MRPL21: variants seen among roughly 807,000 people sequenced by gnomAD.
The protein encoded by MRPL21 is mitochondrial ribosomal protein L21, also known as large ribosomal subunit protein bL21m.
A neutral mutation model predicts 27.3 loss-of-function variants in MRPL21; 20 were observed. The ratio of observed to expected loss-of-function variants is 0.73; its 90% CI spans 0.52 to 1.06. The LOEUF (loss-of-function observed/expected upper bound fraction) is 1.06. MRPL21 is among the 50% of genes least tolerant of loss of function. MRPL21 has a pLI of 0.00. For synonymous variants in MRPL21, 98 were observed against 101.5 expected, an observed-to-expected ratio of 0.97 and a Z score of 0.21; for missense variants, 249 against 251.4, an observed-to-expected ratio of 0.99 and a Z score of 0.06.
intron 3 of MRPL21, 47 bp from the exon 4 acceptor site, chr11:68,896,725 C>G: frequency 6.2e-7 from 1 of 1,607,934 alleles, no homozygotes; most frequent in Non-Finnish European, 8.5e-7. Flanking sequence ...ACCTGCTCCC[C>G]CACGCGCTGC....
intron 4 of MRPL21, among the ~76,000 whole-genome samples, chr11:68,894,534 G>A (rs999794606): frequency 1.3e-5 from 2 of 152,100 alleles, no homozygotes; most frequent in African/African-American, 4.8e-5. Flanking sequence ...TGCCCGCCTC[G>A]GCTTCCCAAA....
chr11:68,892,765 G>C, intron 6 of MRPL21, 125 bp downstream of exon 6: 1 of 1,541,718 alleles, frequency 6.5e-7, no homozygotes, highest in Non-Finnish European at 8.7e-7. Context: ...GTGGGCAGTG[G>C]CAGCCAGGTT....
In MRPL21 at chr11:68,903,693, C is replaced by T. The variant is rs534890708; in HGVS notation, c.88+30G>A. The T allele has an allele frequency of 3.7e-6, 6 of 1,608,938 alleles. No homozygotes were observed. In the African/African-American group the frequency reaches 6.7e-5, roughly 18 times the overall value. On this transcript the variant is annotated intron_variant, in intron 1 of 6. Transcript: ENST00000362034. The stretch of plus-strand genomic sequence containing the variant: ...GCAGGGAGCAGCGCTCGCTCTGCGT[C>T]CTCCCTTCCTCCCATATCCCAGGTC...
chr11:68,893,346 T>C (rs534187299), intron 5 of MRPL21, 57 bp downstream of exon 5: 4 of 1,611,680 alleles, frequency 2.5e-6, no homozygotes, highest in Admixed American at 1.7e-5. Context: ...CTGTGACCAC[T>C]GTCTGCATGT....
In MRPL21 at chr11:68,903,707, A is replaced by G; in HGVS notation, c.88+16T>C. 6.2e-7 allele frequency: 1 copy of G among 1,612,838 alleles called. No individual in the cohort carries two copies. The stretch of plus-strand genomic sequence containing the variant: ...TCGCTCTGCGTCCTCCCTTCCTCCC[A>G]TATCCCAGGTCTCACCTGCTCCGGG... On this transcript the variant is annotated intron_variant, in intron 1 of 6. Coordinates refer to ENST00000362034, the MANE Select transcript of MRPL21 (RefSeq NM_181514.2).
chr11:68,900,726 C>T (rs1857914878), intron 1 of MRPL21, 121 bp from the exon 2 acceptor site: 1 of 858,484 alleles, frequency 1.2e-6, no homozygotes, highest in South Asian at 1.4e-5. Context: ...GCATGACAGC[C>T]TGCCCACAGA....
chr11:68,893,763 C>T (rs375638192), intron 4 of MRPL21, among the ~76,000 whole-genome samples: 3 of 152,174 alleles, frequency 2.0e-5, no homozygotes, highest in Middle Eastern at 3.2e-3. Context: ...CTCATACCAA[C>T]GGTGACTTCA....
chr11:68,900,483 A>C, intron 2 of MRPL21, 65 bp downstream of exon 2: 2 of 1,431,462 alleles, frequency 1.4e-6, no homozygotes, highest in Non-Finnish European at 2.0e-6. Context: ...GGAAGTTTTG[A>C]CTTTAGAAAG....
At chr11:68,901,711 C>T (rs1857939675) in intron 1 of MRPL21, among the ~76,000 whole-genome samples, 1 of 152,148 alleles carries the variant, frequency 6.6e-6, no homozygotes. Flanking sequence ...GATTTAAACA[C>T]CCCCAATGTG....
At chr11:68,891,972 C>A (rs902749276) in intron 6 of MRPL21, 1 of 807,300 alleles carries the variant, frequency 1.2e-6, no homozygotes, top group Non-Finnish European at 1.8e-6. Flanking sequence ...CTAGGACAGC[C>A]CTACACCTGC....
rs141977187 is a variant in MRPL21, at chr11:68,896,003, G to A, written c.396+512C>T. ...TAGACCATGCAGTTTTGAATGGTCGGTGAGGTAAATTAGCACCCAGGGAAA... is the reference window on the plus strand; with the variant it reads ...TAGACCATGCAGTTTTGAATGGTCGATGAGGTAAATTAGCACCCAGGGAAA... On this transcript the variant is annotated intron_variant, in intron 4 of 6. Transcript: ENST00000362034. Among the ~76,000 whole-genome samples, 405 of 152,312 alleles carry A rather than the reference G, an allele frequency of 2.7e-3. 3 individuals are homozygous for A. Among genetic ancestry groups the A allele is most frequent in the African/African-American group, 9.1e-3 (380 of 41,560 alleles).
intron 6 of MRPL21, chr11:68,891,978 C>T: frequency 2.3e-6 from 2 of 858,350 alleles, no homozygotes; most frequent in Non-Finnish European, 3.3e-6. Context: ...CAGCCCTACA[C>T]CTGCTTGCGG....
chr11:68,897,852 G>C, intron 3 of MRPL21, 75 bp downstream of exon 3: 1 of 1,135,048 alleles, frequency 8.8e-7, no homozygotes, highest in East Asian at 2.3e-5. Flanking sequence ...CTGTGGCCTG[G>C]TGACAACCTC....
In MRPL21 at chr11:68,903,584, C is replaced by G. The variant is rs1379889239; in HGVS notation, c.88+139G>C. The G allele has an allele frequency of 3.5e-6, 3 of 851,222 alleles. No individual in the cohort carries two copies. In the African/African-American group the frequency reaches 5.0e-5, roughly 14 times the overall value. The allele number at this position is 851,222 out of a possible 1,614,324, so 52.7% of individuals were successfully genotyped here. ...AAAATCTGAACCTGGGTTCCCCCGA[C>G]TCCAAAACCCGTGCTATATTCACCA... On this transcript the variant is annotated intron_variant, in intron 1 of 6. Coordinates refer to ENST00000362034, the MANE Select transcript of MRPL21 (RefSeq NM_181514.2).
intron 6 of MRPL21, chr11:68,892,021 T>C (rs1282761397): frequency 3.4e-6 from 4 of 1,190,532 alleles, no homozygotes; most frequent in Non-Finnish European, 4.4e-6. Flanking sequence ...GTGCTAGGCG[T>C]CATGGGTTGG....
At chr11:68,902,245 A>C (rs1362060688) in intron 1 of MRPL21, among the ~76,000 whole-genome samples, 1 of 152,204 alleles carries the variant, frequency 6.6e-6, no homozygotes, top group Non-Finnish European at 1.5e-5. Context: ...TGAACATAGC[A>C]TTGGAGGGGT....
intron 1 of MRPL21, among the ~76,000 whole-genome samples, chr11:68,901,624 C>T (rs1461744505): frequency 6.6e-6 from 1 of 152,198 alleles, no homozygotes; most frequent in African/African-American, 2.4e-5. Flanking sequence ...CCCATTTGGG[C>T]ATCCGGGGCT....
In MRPL21 at chr11:68,903,730, G is replaced by A. The variant is rs1858041471; in HGVS notation, c.81C>T (p.Pro27=). 5 of 1,613,274 alleles carry A rather than the reference G, an allele frequency of 3.1e-6. No homozygotes were observed. Among genetic ancestry groups the A allele is most frequent in the Non-Finnish European group, 2.5e-6 (3 of 1,180,014 alleles). ...CCATATCCCAGGTCTCACCTGCTCC[G>A]GGCCCCGAAGGTCTCAGGATGCTGT... ...CSHSILRPSG[P]GAASLWSASR... is the part of the protein sequence containing the mutation. Residue 27 remains proline (P), a synonymous_variant, in exon 1 of 7, where the codon CCC becomes CCT. Transcript: ENST00000362034.
chr11:68,896,319 G>A (rs1208879240), intron 4 of MRPL21, 196 bp downstream of exon 4: 5 of 657,984 alleles, frequency 7.6e-6, no homozygotes, highest in African/African-American at 1.8e-5. Flanking sequence ...CGCCCTCAGA[G>A]CAGTGGAAGC....
Sources: gnomAD v4.1 joint callset for allele counts (sites outside exome capture counted in the v4.1 genomes callset) on GRCh38, gnomAD v4.1.1 for gene constraint, MANE v1.5 for transcripts, NCBI Gene and HGNC (gene_info 2026-07-23, HGNC 2026-07-21) for gene names.